Variants in COL5A3 observed in about 807,000 individuals in gnomAD.
The protein encoded by COL5A3 is collagen alpha-3(V) chain.
COL5A3 carries 172 observed loss-of-function variants against 250.0 expected under a neutral mutation model. That is an observed-to-expected ratio of 0.69 (90% CI 0.61 to 0.78). The LOEUF (loss-of-function observed/expected upper bound fraction) is 0.78. Among genes scored for constraint, COL5A3 ranks in the 30% least tolerant of loss-of-function variants. The pLI is 0.00. For missense variants in COL5A3, 2,340 were observed against 2,334.4 expected, an observed-to-expected ratio of 1.00 and a Z score of -0.05; for synonymous variants, 937 against 900.4, an observed-to-expected ratio of 1.04 and a Z score of -0.73.
intron 65 of COL5A3, among the ~76,000 whole-genome samples, chr19:9,961,538 T>A (rs1385353258): frequency 2.7e-5 from 4 of 150,258 alleles, no homozygotes; most frequent in Non-Finnish European, 5.9e-5. Flanking sequence ...CTGGGACTTT[T>A]TTTTTTTTTA....
At chr19:9,970,882 C>T (rs2086835512) in intron 53 of COL5A3, 93 bp downstream of exon 53, 3 of 1,224,806 alleles carry the variant, frequency 2.4e-6, no homozygotes, top group African/African-American at 1.6e-5. Context: ...GCCTTGGGTA[C>T]CCCACTAGCC....
chr19:9,972,329 TCGTTCATCCATTCACTC>T, intron 51 of COL5A3, among the ~76,000 whole-genome samples: 1 of 151,992 alleles, frequency 6.6e-6, no homozygotes, highest in African/African-American at 2.4e-5. Context: ...ATTCACTCAC[TCGTTCATCCATTCACTC>T]ATTTATTCAT....
At chr19:9,975,832 A>T (rs920727470) in intron 45 of COL5A3, among the ~76,000 whole-genome samples, 1 of 149,890 alleles carries the variant, frequency 6.7e-6, no homozygotes, top group African/African-American at 2.5e-5. Context: ...TTGGATTGGG[A>T]TTGAGACAAA....
At position 9,979,867 on chromosome 19, in the gene COL5A3, G is replaced by T; in HGVS notation, c.2684C>A (p.Pro895Gln). The T allele has an allele frequency of 6.3e-7, 1 of 1,577,184 alleles. No homozygotes were observed. Reference sequence around the variant, plus strand: ...TTCTCCTCTCTGTCCAGGGTGCCCTGGTCGCCCATCTTTACCTTGGTGACC... The same window carrying T: ...TTCTCCTCTCTGTCCAGGGTGCCCTTGTCGCCCATCTTTACCTTGGTGACC... ...PPGHQGKDGRPGHPGQRGELG... is the reference protein window; with the variant it reads ...PPGHQGKDGRQGHPGQRGELG... The change falls in exon 37 of 67, where the codon CCA (proline) becomes CAA (glutamine). Residue 895 changes from proline to glutamine, a missense_variant. Physicochemically the swap from Pro to Gln is moderately conservative, Grantham distance 76 (BLOSUM62 -1). Coordinates refer to ENST00000264828, the MANE Select transcript of COL5A3 (RefSeq NM_015719.4).
At chr19:9,978,731 G>A (rs2145089844) in intron 40 of COL5A3, 104 bp from the exon 41 acceptor site, 2 of 950,734 alleles carry the variant, frequency 2.1e-6, no homozygotes, top group South Asian at 3.8e-5. Context: ...CCTGGGACTG[G>A]ACACTGAGCT....
At position 10,009,107 on chromosome 19, in the gene COL5A3, G is replaced by A. The variant is rs2087485484; in HGVS notation, c.88+1191C>T. ...GGGAATGCGGCATAGTCCAATCAGG[G>A]ATTAACCATATGGACAGGCACCTTC... On this transcript the variant is annotated intron_variant, in intron 1 of 66. Transcript: ENST00000264828. The surrounding 1 kb of genome is among the most constrained non-coding windows in gnomAD (Gnocchi z 4.4). Among the ~76,000 whole-genome samples, 1 of 151,848 alleles carries A rather than the reference G, an allele frequency of 6.6e-6. No homozygotes were observed. Among genetic ancestry groups the A allele is most frequent in the Admixed American group, 6.6e-5 (1 of 15,250 alleles).
chr19:9,969,789 C>G, intron 55 of COL5A3, 80 bp downstream of exon 55: 1 of 1,585,922 alleles, frequency 6.3e-7, no homozygotes, highest in Non-Finnish European at 8.6e-7. Context: ...ACAGAGTGGT[C>G]ATAGGTCCAC....
chr19:9,988,502 A>G (rs1279626801), intron 27 of COL5A3, among the ~76,000 whole-genome samples: 1 of 152,058 alleles, frequency 6.6e-6, no homozygotes, highest in South Asian at 2.1e-4. Context: ...TTAACCCAGC[A>G]TACTGTGCTT....
intron 31 of COL5A3, among the ~76,000 whole-genome samples, chr19:9,982,699 C>T (rs1445469684): frequency 6.6e-6 from 1 of 152,136 alleles, no homozygotes; most frequent in Non-Finnish European, 1.5e-5. Flanking sequence ...GCTCTGATAT[C>T]CTCTCCCACA....
At chr19:9,969,167 G>A (rs1398553319) in intron 57 of COL5A3, among the ~76,000 whole-genome samples, 182 bp downstream of exon 57, 1 of 152,024 alleles carries the variant, frequency 6.6e-6, no homozygotes. Context: ...GAGGGTTATA[G>A]AGATGGGCAG....
rs756580712 is a variant in COL5A3 at position 9,996,189 on chromosome 19, G to A, written c.1479+17C>T. The A allele has an allele frequency of 7.6e-5, 118 of 1,560,238 alleles. No homozygotes were observed. In the East Asian group the frequency reaches 1.4e-3, roughly 19 times the overall value. ...CTAATGCATGCACCGCCCCCTCCACGCAGTCGCCTTACTCACCACAGGGCC... is the reference window on the plus strand; with the variant it reads ...CTAATGCATGCACCGCCCCCTCCACACAGTCGCCTTACTCACCACAGGGCC... On this transcript the variant is annotated intron_variant, in intron 14 of 66. Transcript: ENST00000264828.
At position 10,005,951 on chromosome 19, in the gene COL5A3, G is replaced by C. The variant is rs1237867105; in HGVS notation, c.282C>G (p.Ile94Met). Residue 94 changes from isoleucine (I) to methionine (M), a missense_variant, in exon 3 of 67, where the codon ATC becomes ATG. Ile to Met is a conservative substitution (Grantham distance 10). Around this residue, in one of 3 missense-constraint regions of COL5A3, gnomAD observed 1,152 missense variants for 1,146.3 expected, o/e 1.00. Coordinates refer to ENST00000264828, the MANE Select transcript of COL5A3 (RefSeq NM_015719.4). ...GHFPENFSLLITLRGQPANQS... is the reference protein window; with the variant it reads ...GHFPENFSLLMTLRGQPANQS... ...GATTGGCTGGCTGTCCCCGCAAGGTGATCAGCAAGGAGAAGTTCTCAGGAA... is the reference window on the plus strand; with the variant it reads ...GATTGGCTGGCTGTCCCCGCAAGGTCATCAGCAAGGAGAAGTTCTCAGGAA... 1.9e-6 allele frequency: 3 copies of C among 1,614,068 alleles called. No individual in the cohort carries two copies. The Admixed American group carries it at 5.0e-5, about 27-fold the overall frequency.
chr19:9,993,094 A>C (rs2087217813), intron 19 of COL5A3, 27 bp from the exon 20 acceptor site: 1 of 1,612,532 alleles, frequency 6.2e-7, no homozygotes, highest in South Asian at 1.1e-5. Context: ...TTACTTGGGA[A>C]CAGGAAGGTA....
In COL5A3 at chr19:9,968,270, TC is replaced by T; in HGVS notation, c.4314+114del. On this transcript the variant is annotated intron_variant, in intron 59 of 66. Coordinates refer to ENST00000264828, the MANE Select transcript of COL5A3 (RefSeq NM_015719.4). This position sits in a 1 kb window ranked among gnomAD's most constrained non-coding sequence, Gnocchi z 4.1. ...AGTTCCCAGATACATCCCCCTATTT[TC>T]CCCACACACACCCTCATTAATCCAG... 9.7e-7 allele frequency: 1 copy of T among 1,031,668 alleles called. No homozygotes were observed. The allele number at this position is 1,031,668 out of a possible 1,614,324, so 63.9% of individuals were successfully genotyped here.
At chr19:9,969,434 C>T in intron 56 of COL5A3, 32 bp from the exon 57 acceptor site, 1 of 1,604,348 alleles carries the variant, frequency 6.2e-7, no homozygotes, top group Non-Finnish European at 8.5e-7. Flanking sequence ...GGGTGGGCTG[C>T]ACCCTGTCAG....
rs1346999986 is a variant in COL5A3, at chr19:9,980,602, T to A, written c.2604+46A>T. ...GTCCTCCACTCAGAATCTCTCTCTC[T>A]CACACACACACACATTCACACACAC... is the stretch of plus-strand genomic sequence containing the variant. On this transcript the variant is annotated intron_variant, in intron 35 of 66. Coordinates refer to ENST00000264828, the MANE Select transcript of COL5A3 (RefSeq NM_015719.4). The A allele has an allele frequency of 5.0e-5, 77 of 1,527,820 alleles. No individual in the cohort carries two copies. In the African/African-American group the frequency reaches 6.9e-4, roughly 14 times the overall value. The allele number at this position is 1,527,820 out of a possible 1,614,324, so 94.6% of individuals were successfully genotyped here.
chr19:9,970,414 T>C (rs796785023), intron 54 of COL5A3, among the ~76,000 whole-genome samples: 31 of 18,752 alleles, frequency 1.7e-3, no homozygotes, highest in Admixed American at 2.7e-3. Context: ...GTGGGGTGAG[T>C]GGGGGCTGTA....
rs2086984631 is a variant in COL5A3, at chr19:9,979,984, C to A, written c.2658+10G>T. The A allele has an allele frequency of 3.2e-6, 5 of 1,585,952 alleles. No individual in the cohort carries two copies. Among genetic ancestry groups the A allele is most frequent in the African/African-American group, 1.4e-5 (1 of 72,804 alleles). Reference sequence around the variant, plus strand: ...CCCACCCAACCCCCAATGAGGGTGACCTCACTCACAGGGGGGCCCTTTGGC... The same window carrying A: ...CCCACCCAACCCCCAATGAGGGTGAACTCACTCACAGGGGGGCCCTTTGGC... On this transcript the variant is annotated intron_variant, in intron 36 of 66. Transcript: ENST00000264828.
At chr19:9,986,041 G>A in intron 30 of COL5A3, 146 bp from the exon 31 acceptor site, 1 of 756,854 alleles carries the variant, frequency 1.3e-6, no homozygotes, top group Non-Finnish European at 2.3e-6. Context: ...GCCTGCTAGG[G>A]GCATGTCCTT....
Sources: allele counts gnomAD v4.1 joint callset (sites outside exome capture counted in the v4.1 genomes callset), GRCh38; gene constraint gnomAD v4.1.1; regional missense constraint gnomAD v4.1.1; non-coding constraint Gnocchi (gnomAD v3.1); transcripts MANE v1.5; gene names NCBI Gene and HGNC (gene_info 2026-07-23, HGNC 2026-07-21).